WDFY1: variants seen among roughly 807,000 people sequenced by gnomAD.
The protein encoded by WDFY1 is WD repeat and FYVE domain-containing protein 1.
Under a neutral mutation model 56.4 loss-of-function variants are expected in WDFY1, and 32 were observed. The observed-to-expected ratio is 0.57, with a 90% CI of 0.43 to 0.76. The LOEUF (loss-of-function observed/expected upper bound fraction) is 0.76, where lower values mean the gene tolerates loss of function less well. WDFY1 is among the 30% of genes least tolerant of loss of function. WDFY1 has a pLI of 0.00. For missense variants in WDFY1, 480 were observed against 545.7 expected (o/e 0.88, Z 1.20); for synonymous variants, 192 against 197.3 (o/e 0.97, Z 0.23).
intron 8 of WDFY1, among the ~76,000 whole-genome samples, chr2:223,886,324 A>C (rs555501098): frequency 2.0e-5 from 3 of 152,308 alleles, no homozygotes; most frequent in African/African-American, 7.2e-5. Context: ...GGGCGACAAG[A>C]GCAAGACTCT....
At chr2:223,912,193 A>C (rs899790131) in intron 3 of WDFY1, 60 bp downstream of exon 3, 111 of 1,489,762 alleles carry the variant, frequency 7.5e-5, no homozygotes, top group Non-Finnish European at 1.9e-5. Flanking sequence ...GGGACATGGG[A>C]GGTCAATATA....
intron 6 of WDFY1, among the ~76,000 whole-genome samples, chr2:223,896,011 C>T (rs538737251): frequency 6.6e-6 from 1 of 151,728 alleles, no homozygotes; most frequent in East Asian, 1.9e-4. Flanking sequence ...AACAAATTAG[C>T]CAGGCATGGT....
chr2:223,890,936 C>T (rs1236374855), intron 8 of WDFY1, among the ~76,000 whole-genome samples: 1 of 152,204 alleles, frequency 6.6e-6, no homozygotes, highest in Non-Finnish European at 1.5e-5. Context: ...CTGCTTCCAA[C>T]TCGACAGCGT....
intron 4 of WDFY1, among the ~76,000 whole-genome samples, chr2:223,904,400 T>C (rs1342291895): frequency 1.4e-5 from 2 of 145,560 alleles, no homozygotes; most frequent in Admixed American, 1.4e-4. Flanking sequence ...TACAGGCATG[T>C]GTCACCAGGT....
At chr2:223,921,460 A>G (rs529495304) in intron 1 of WDFY1, among the ~76,000 whole-genome samples, 27 of 151,554 alleles carry the variant, frequency 1.8e-4, no homozygotes, top group Non-Finnish European at 4.4e-5. Flanking sequence ...TTTGCAAGGG[A>G]AAAAAAAATA....
intron 6 of WDFY1, among the ~76,000 whole-genome samples, chr2:223,897,392 T>TATATATA (rs1559166027): frequency 1.3e-4 from 10 of 78,070 alleles, no homozygotes; most frequent in African/African-American, 4.5e-4. Context: ...ATATATATAT[T>TATATATA]TTTTAAGACG....
At chr2:223,938,539 A>G (rs1689241742) in intron 1 of WDFY1, among the ~76,000 whole-genome samples, 1 of 152,224 alleles carries the variant, frequency 6.6e-6, no homozygotes, top group Non-Finnish European at 1.5e-5. Flanking sequence ...GGTAATTATT[A>G]CTTCAGCAAA....
At chr2:223,936,829 T>G (rs1319380967) in intron 1 of WDFY1, among the ~76,000 whole-genome samples, 4 of 152,220 alleles carry the variant, frequency 2.6e-5, no homozygotes, top group Admixed American at 6.5e-5. Context: ...CCTCTAACAC[T>G]GAATAAAGTC....
intron 1 of WDFY1, among the ~76,000 whole-genome samples, chr2:223,926,804 C>A (rs1693991250): frequency 6.6e-6 from 1 of 152,088 alleles, no homozygotes; most frequent in African/African-American, 2.4e-5. Context: ...AGCAGCTGGA[C>A]TTACAGATGT....
At position 223,875,826 on chromosome 2, in the gene WDFY1, G is replaced by GA. The variant is rs529512756; in HGVS notation, c.*2844dup. 217 of 152,250 alleles carry GA rather than the reference G, an allele frequency of 1.4e-3. 2 individuals carry two copies. The highest frequency in any genetic ancestry group is 6.8e-3 in the Middle Eastern group (2 of 294). The allele number at this position is 152,250 out of a possible 1,614,324, so 9.4% of individuals were successfully genotyped here. A position where few individuals can be genotyped will look rare whatever the true frequency, so the allele number is the denominator to read the frequency against. ...GATACCATATCCAATAACGGAAGTA[G>GA]AAGTACTTTAACGAAAACTGATTTT... is the stretch of plus-strand genomic sequence containing the variant. On this transcript the variant is annotated 3_prime_UTR_variant, in exon 12 of 12. Coordinates refer to ENST00000233055, the MANE Select transcript of WDFY1 (RefSeq NM_020830.5).
At chr2:223,926,668 GTGTGTA>G (rs1693988558) in intron 1 of WDFY1, among the ~76,000 whole-genome samples, 2 of 151,716 alleles carry the variant, frequency 1.3e-5, no homozygotes, top group African/African-American at 4.8e-5. Flanking sequence ...GTGTGTGTGT[GTGTGTA>G]TGTGTATTTT....
In WDFY1 at chr2:223,895,598, G is replaced by C; in HGVS notation, c.631C>G (p.Gln211Glu). Residue 211 changes from glutamine to glutamate, a missense_variant, in exon 7 of 12, where the codon CAG becomes GAG. By Grantham distance (29) the Gln-to-Glu change is conservative (BLOSUM62 2). Transcript: ENST00000233055. ...SVACLWWDPI[Q>E]RLLFSGASDN... ...GATGCTCCTGAGAAGAGTAACCGCT[G>C]AATAGGGTCCCACCAGAGGCAGGCG... 1 of 1,613,954 alleles carries C rather than the reference G, an allele frequency of 6.2e-7. No individual in the cohort carries two copies. The highest frequency in any genetic ancestry group is 8.5e-7 in the Non-Finnish European group (1 of 1,179,962).
At chr2:223,897,378 A>ATTT (rs1360824588) in intron 6 of WDFY1, among the ~76,000 whole-genome samples, 4 of 34,310 alleles carry the variant, frequency 1.2e-4, no homozygotes, top group Admixed American at 3.6e-4. Flanking sequence ...ATATATATAT[A>ATTT]TATATATATA....
rs1472277300 is a variant in WDFY1 at position 223,895,589 on chromosome 2, G to A, written c.640C>T (p.Leu214Phe). 7.4e-6 allele frequency: 12 copies of A among 1,614,002 alleles called. No individual in the cohort carries two copies. The highest frequency in any genetic ancestry group is 1.0e-5 in the Non-Finnish European group (12 of 1,179,968). ...CLWWDPIQRL[L>F]FSGASDNSII... ...CTGTTGTCAGATGCTCCTGAGAAGA[G>A]TAACCGCTGAATAGGGTCCCACCAG... Residue 214 changes from leucine (L) to phenylalanine (F), a missense_variant, in exon 7 of 12, where the codon CTC becomes TTC. Transcript: ENST00000233055.
chr2:223,935,445 T>C (rs1694153665), intron 1 of WDFY1, among the ~76,000 whole-genome samples: 1 of 152,234 alleles, frequency 6.6e-6, no homozygotes, highest in South Asian at 2.1e-4. Context: ...TATGTGCTAA[T>C]AATGTCTTAA....
chr2:223,940,499 T>C (rs1182853267), intron 1 of WDFY1, among the ~76,000 whole-genome samples: 1 of 152,170 alleles, frequency 6.6e-6, no homozygotes, highest in Admixed American at 6.5e-5. Context: ...AAGGTCCAAT[T>C]CTGTACTCGT....
Position 223,875,780 on chromosome 2 carries a change from G to T in WDFY1, c.*2891C>A, listed in dbSNP as rs1214759177. ...GATGGTTTATCACTATATAGTAACA[G>T]ATTTTTTTTACACTTTAGGAGATAC... On this transcript the variant is annotated 3_prime_UTR_variant, in exon 12 of 12. Coordinates refer to ENST00000233055, the MANE Select transcript of WDFY1 (RefSeq NM_020830.5). 6.6e-6 allele frequency: 1 copy of T among 152,114 alleles called. No individual in the cohort carries two copies. The highest frequency in any genetic ancestry group is 1.5e-5 in the Non-Finnish European group (1 of 68,010). 9.4% of individuals were successfully genotyped at this position (152,114 alleles called of 1,614,324 possible).
intron 3 of WDFY1, among the ~76,000 whole-genome samples, chr2:223,907,405 T>C (rs770996619): frequency 1.6e-4 from 24 of 152,158 alleles, no homozygotes; most frequent in African/African-American, 5.3e-4. Flanking sequence ...TTTTGTAAAG[T>C]AGAAAAAATG....
At chr2:223,944,391 C>T (rs1223920430) in intron 1 of WDFY1, among the ~76,000 whole-genome samples, 4 of 152,272 alleles carry the variant, frequency 2.6e-5, no homozygotes, top group Non-Finnish European at 4.4e-5. Flanking sequence ...AGGTCCCAGG[C>T]TAGTGCGACA....
Sources: gnomAD v4.1 joint callset for allele counts (sites outside exome capture counted in the v4.1 genomes callset) on GRCh38, gnomAD v4.1.1 for gene constraint, MANE v1.5 for transcripts, NCBI Gene and HGNC (gene_info 2026-07-23, HGNC 2026-07-21) for gene names.